FGF14: variants seen among roughly 807,000 people sequenced by gnomAD.
The protein encoded by FGF14 is fibroblast growth factor 14.
In FGF14, 5 loss-of-function variants were observed where a neutral mutation model predicts 25.5. That is an observed-to-expected ratio of 0.20 (90% CI 0.10 to 0.41). The LOEUF (loss-of-function observed/expected upper bound fraction) is 0.41, where lower values mean the gene tolerates loss of function less well. Ranked by LOEUF, FGF14 falls within the 10% of genes least tolerant of loss-of-function variation. FGF14 has a pLI of 1.00. For missense variants in FGF14, 222 were observed against 320.1 expected (o/e 0.69, Z 2.34); for synonymous variants, 138 against 118.3 (o/e 1.17, Z -1.08).
At chr13:101,986,918 A>G (rs936637153) in intron 1 of FGF14, among the ~76,000 whole-genome samples, 13 of 144,512 alleles carry the variant, frequency 9.0e-5, no homozygotes, top group African/African-American at 3.5e-4. Flanking sequence ...CTCTATGTAT[A>G]CACACACATG....
chr13:102,093,020 G>A (rs2044235424), intron 1 of FGF14, among the ~76,000 whole-genome samples: 1 of 152,136 alleles, frequency 6.6e-6, no homozygotes, highest in East Asian at 1.9e-4. Context: ...TTTTATTCGG[G>A]AAACCTGTTG....
At chr13:102,229,353 A>T (rs1007437647) in intron 1 of FGF14, among the ~76,000 whole-genome samples, 1 of 152,204 alleles carries the variant, frequency 6.6e-6, no homozygotes, top group Non-Finnish European at 1.5e-5. Context: ...TTACAACTTC[A>T]TCCCCACAAC....
At position 101,716,872 on chromosome 13, in the gene FGF14, C is replaced by T. The variant is rs1222065754; in HGVS notation, c.*5959G>A. On this transcript the variant is annotated 3_prime_UTR_variant, in exon 5 of 5. Coordinates refer to ENST00000376143, the MANE Select transcript of FGF14 (RefSeq NM_004115.4). ...GTGATAGGAACAAAATGTTTATTTT[C>T]TTAATGGTGAAACTTTGCTTTGTAT... 1 of 150,324 alleles carries T rather than the reference C, an allele frequency of 6.7e-6. No homozygotes were observed. Among genetic ancestry groups the T allele is most frequent in the Non-Finnish European group, 1.5e-5 (1 of 67,650 alleles). The allele number at this position is 150,324 out of a possible 1,614,324, so 9.3% of individuals were successfully genotyped here.
At chr13:102,023,043 GACAC>G (rs59221538) in intron 1 of FGF14, among the ~76,000 whole-genome samples, 2,623 of 145,958 alleles carry the variant, frequency 0.018, 23 homozygotes, top group Middle Eastern at 0.038. Flanking sequence ...AATATTTTCG[GACAC>G]ACACACACAC....
chr13:102,223,299 G>A (rs1167657465), intron 1 of FGF14, among the ~76,000 whole-genome samples: 8 of 152,150 alleles, frequency 5.3e-5, no homozygotes, highest in African/African-American at 1.9e-4. Flanking sequence ...AGAGGGCAAT[G>A]CACAGAAACT....
At chr13:102,161,570 A>AAAGAAGAAAG (rs1555369389) in intron 1 of FGF14, among the ~76,000 whole-genome samples, 75 of 5,650 alleles carry the variant, frequency 0.013, 16 homozygotes, top group Non-Finnish European at 0.011. Flanking sequence ...TTCTGTGAAG[A>AAAGAAGAAAG]AAGAAAGAAG....
chr13:102,399,313 TTCAA>T (rs2058649244), intron 1 of FGF14, among the ~76,000 whole-genome samples: 1 of 152,236 alleles, frequency 6.6e-6, no homozygotes, highest in South Asian at 2.1e-4. Context: ...AAGGACTGAC[TTCAA>T]GGTCCCTAAG....
At chr13:101,870,160 T>A (rs965580679) in intron 2 of FGF14, among the ~76,000 whole-genome samples, 3 of 152,158 alleles carry the variant, frequency 2.0e-5, no homozygotes, top group Admixed American at 1.3e-4. Flanking sequence ...ATGAAAGAAT[T>A]AGTTTTTTTT....
intron 3 of FGF14, among the ~76,000 whole-genome samples, chr13:101,803,902 TG>T (rs2041048460): frequency 6.6e-6 from 1 of 152,182 alleles, no homozygotes; most frequent in African/African-American, 2.4e-5. Context: ...TATACAAGTT[TG>T]GAGCTCGGAA....
At chr13:101,903,574 G>C (rs889193266) in intron 1 of FGF14, among the ~76,000 whole-genome samples, 18 of 152,012 alleles carry the variant, frequency 1.2e-4, no homozygotes, top group African/African-American at 4.4e-4. Context: ...TCAAATCTGT[G>C]AATACAGGAG....
At chr13:101,770,789 T>C (rs1443157583) in intron 3 of FGF14, among the ~76,000 whole-genome samples, 1 of 152,052 alleles carries the variant, frequency 6.6e-6, no homozygotes, top group Non-Finnish European at 1.5e-5. Flanking sequence ...ACACACTGCA[T>C]TTATAAACAA....
chr13:102,198,871 GATTAA>G (rs2049487486), intron 1 of FGF14, among the ~76,000 whole-genome samples: 2 of 152,136 alleles, frequency 1.3e-5, no homozygotes, highest in Non-Finnish European at 1.5e-5. Context: ...GTTCCAAAGG[GATTAA>G]ATGTTTAAGT....
intron 1 of FGF14, among the ~76,000 whole-genome samples, chr13:101,904,256 G>GT (rs143856294): frequency 1.3e-5 from 2 of 152,170 alleles, no homozygotes; most frequent in African/African-American, 4.8e-5. Context: ...AAGAGTGGCA[G>GT]TTTTTTGTGG....
intron 1 of FGF14, among the ~76,000 whole-genome samples, chr13:102,348,060 G>A (rs2057165817): frequency 6.6e-6 from 1 of 151,398 alleles, no homozygotes; most frequent in South Asian, 2.1e-4. Context: ...GTGTGAGTGG[G>A]CAAGAAATTC....
intron 1 of FGF14, among the ~76,000 whole-genome samples, chr13:102,034,245 C>G (rs16959647): frequency 0.035 from 5,391 of 152,124 alleles, 320 homozygotes; most frequent in African/African-American, 0.12. Flanking sequence ...CAATGGAGCA[C>G]GACAAGTCAT....
intron 1 of FGF14, among the ~76,000 whole-genome samples, chr13:102,091,295 A>G (rs938521019): frequency 2.0e-5 from 3 of 152,120 alleles, no homozygotes; most frequent in South Asian, 4.1e-4. Context: ...CCTGCAAACT[A>G]CATTCTGCTT....
At chr13:101,823,784 T>C (rs1340347310) in intron 3 of FGF14, among the ~76,000 whole-genome samples, 8 of 150,136 alleles carry the variant, frequency 5.3e-5, no homozygotes, top group Non-Finnish European at 7.4e-5. Flanking sequence ...ATACTATGTA[T>C]AGTATCTATA....
intron 3 of FGF14, among the ~76,000 whole-genome samples, chr13:101,748,512 T>C (rs1462148857): frequency 6.6e-6 from 1 of 151,596 alleles, no homozygotes; most frequent in East Asian, 1.9e-4. Flanking sequence ...GGACGACAGA[T>C]AAATTCTTTA....
chr13:102,020,638 T>C (rs16959622), intron 1 of FGF14, among the ~76,000 whole-genome samples: 4,874 of 151,968 alleles, frequency 0.032, 252 homozygotes, highest in African/African-American at 0.11. Context: ...AGTAAGATGA[T>C]TAGAAGAATG....
Sources: allele counts gnomAD v4.1 joint callset (sites outside exome capture counted in the v4.1 genomes callset), GRCh38; gene constraint gnomAD v4.1.1; transcripts MANE v1.5; gene names NCBI Gene and HGNC (gene_info 2026-07-23, HGNC 2026-07-21).